The following COL6A3 variants were observed in gnomAD, a reference collection of about 807,000 sequenced individuals.
COL6A3 encodes the protein collagen alpha-3(VI) chain.
A neutral mutation model predicts 274.1 loss-of-function variants in COL6A3; 137 were observed. The observed-to-expected ratio is 0.50, with a 90% confidence interval of 0.44 to 0.58. The LOEUF is 0.58. COL6A3 is among the 20% of genes least tolerant of loss of function. The pLI is 0.00. For missense variants in COL6A3, 3,950 were observed against 4,124.9 expected (o/e 0.96, Z 1.16); for synonymous variants, 1,650 against 1,650.6 (o/e 1.00, Z 0.01).
intron 30 of COL6A3, 129 bp from the exon 31 acceptor site, chr2:237,347,998 A>G: frequency 7.1e-6 from 6 of 843,976 alleles, no homozygotes; most frequent in Non-Finnish European, 1.2e-5. Context: ...GTTAGTTTTG[A>G]TTCACTTTTC....
intron 20 of COL6A3, 36 bp downstream of exon 20, chr2:237,358,999 C>T: frequency 6.3e-7 from 1 of 1,598,874 alleles, no homozygotes. Context: ...TGTTGATATT[C>T]TTTCCATAAT....
rs1574993386 is a variant in COL6A3, at chr2:237,368,436, T to C, written c.4900+127A>G. The stretch of plus-strand genomic sequence containing the variant: ...TGGAACTACTTTTCCAGTATTTAAT[T>C]TCTAATATTATCTGAAGAAACAACC... On this transcript the variant is annotated intron_variant, in intron 10 of 43. Coordinates refer to ENST00000295550, the MANE Select transcript of COL6A3 (RefSeq NM_004369.4). The surrounding 1 kb of genome is among the most constrained non-coding windows in gnomAD (Gnocchi z 4.4). 5.0e-6 allele frequency: 6 copies of C among 1,195,168 alleles called. No individual in the cohort carries two copies. The East Asian group carries it at 1.5e-4, about 31-fold the overall frequency. 74.0% of individuals were successfully genotyped at this position (1,195,168 alleles called of 1,614,324 possible). A position where few individuals can be genotyped will look rare whatever the true frequency, so the allele number is the denominator to read the frequency against.
chr2:237,376,848 C>T lies in COL6A3; in HGVS notation c.2994G>A (p.Ser998=), dbSNP rs768233315. The change falls in exon 7 of 44, where the codon TCG becomes TCA. Residue 998 remains serine, a synonymous_variant. Transcript: ENST00000295550. ...LSPAFILAAE[S]LPKIGDLHPQ... is the part of the protein sequence containing the mutation. The stretch of plus-strand genomic sequence containing the variant: ...GATGAAGATCTCCAATCTTGGGAAG[C>T]GACTCTGCAGCCAGGATAAACGCTG... 65 of 1,614,094 alleles carry T rather than the reference C, an allele frequency of 4.0e-5. No individual in the cohort carries two copies. Among genetic ancestry groups the T allele is most frequent in the Middle Eastern group, 3.3e-4 (2 of 6,084 alleles).
chr2:237,350,947 T>C (rs542650320), intron 27 of COL6A3, among the ~76,000 whole-genome samples, 183 bp downstream of exon 27: 2 of 152,118 alleles, frequency 1.3e-5, no homozygotes, highest in African/African-American at 4.8e-5. Flanking sequence ...GTGGTGGGAA[T>C]TATGGTGGGG....
chr2:237,347,148 G>C lies in COL6A3; in HGVS notation c.7030-583C>G, dbSNP rs143483346. On this transcript the variant is annotated intron_variant, in intron 31 of 43. Coordinates refer to ENST00000295550, the MANE Select transcript of COL6A3 (RefSeq NM_004369.4). Reference sequence around the variant, plus strand: ...AATCTGGCCAGGTGTGGTGTCTCATGCATGTAATCCCAGCACTTTGGGAGG... The same window carrying C: ...AATCTGGCCAGGTGTGGTGTCTCATCCATGTAATCCCAGCACTTTGGGAGG... 5.5e-3 allele frequency among the ~76,000 whole-genome samples: 833 copies of C among 152,102 alleles called. 4 individuals carry two copies. Among genetic ancestry groups the C allele is most frequent in the Non-Finnish European group, 0.01 (692 of 67,996 alleles).
intron 36 of COL6A3, chr2:237,343,307 C>A (rs1280790137): frequency 6.7e-6 from 1 of 149,234 alleles, no homozygotes; most frequent in Non-Finnish European, 1.5e-5. Flanking sequence ...CCAGTCTGAC[C>A]AATATGGTGA....
Position 237,336,431 on chromosome 2 carries a change from A to G in COL6A3, c.8669T>C (p.Val2890Ala), listed in dbSNP as rs567910448. Residue 2890 changes from valine to alanine, a missense_variant, in exon 40 of 44, where the codon GTA becomes GCA. Transcript: ENST00000295550. ...TKPVTTTTKP[V>A]TTTTKPVTII... is the part of the protein sequence containing the mutation. ...AGTCACAGGCTTTGTTGTGGTGGTT[A>G]CAGGCTTTGTTGTGGTGGTCACCGG... 6.2e-7 allele frequency: 1 copy of G among 1,614,196 alleles called. No homozygotes were observed. The highest frequency in any genetic ancestry group is 1.1e-5 in the South Asian group (1 of 91,056).
Position 237,372,121 on chromosome 2 carries a change from A to G in COL6A3, c.3896T>C (p.Val1299Ala), listed in dbSNP as rs550965984. ...CCCTCCCTTGGGCCTCAGCCGCTGCACCGCGTTCTGCACTTCATCCTTGCT... is the reference window on the plus strand; with the variant it reads ...CCCTCCCTTGGGCCTCAGCCGCTGCGCCGCGTTCTGCACTTCATCCTTGCT... ...HSSKDEVQNA[V>A]QRLRPKGGRQ... The change falls in exon 9 of 44, where the codon GTG (valine) becomes GCG (alanine). Residue 1299 changes from valine (V) to alanine (A), a missense_variant. Val to Ala is a moderately conservative substitution (Grantham distance 64). This residue lies in a region of COL6A3 where 1,934 missense variants were observed against 1,984.3 expected (regional missense o/e 0.97). Transcript: ENST00000295550. 1 of 1,614,040 alleles carries G rather than the reference A, an allele frequency of 6.2e-7. No homozygotes were observed. Among genetic ancestry groups the G allele is most frequent in the South Asian group, 1.1e-5 (1 of 91,080 alleles).
chr2:237,365,620 TGG>T, intron 12 of COL6A3, 76 bp downstream of exon 12: 1 of 1,278,218 alleles, frequency 7.8e-7, no homozygotes, highest in Non-Finnish European at 1.1e-6. Context: ...GGATTTAACT[TGG>T]GGGAAGGGCT....
At chr2:237,360,934 A>G (rs2077421830) in intron 16 of COL6A3, among the ~76,000 whole-genome samples, 187 bp downstream of exon 16, 1 of 152,146 alleles carries the variant, frequency 6.6e-6, no homozygotes, top group Admixed American at 6.5e-5. Flanking sequence ...TCATGCCCAC[A>G]TTTGTCATAC....
intron 6 of COL6A3, among the ~76,000 whole-genome samples, 176 bp from the exon 7 acceptor site, chr2:237,377,520 T>A (rs1213309188): frequency 6.6e-6 from 1 of 152,158 alleles, no homozygotes; most frequent in Non-Finnish European, 1.5e-5. Context: ...ATGTCCTATT[T>A]CAAATCAGTG....
chr2:237,356,044 G>T (rs551803516), intron 23 of COL6A3, among the ~76,000 whole-genome samples: 53 of 152,330 alleles, frequency 3.5e-4, no homozygotes, highest in African/African-American at 1.3e-3. Flanking sequence ...TGGCACTGTG[G>T]TCCTAAGGGA....
intron 42 of COL6A3, chr2:237,329,757 C>T (rs963094006): frequency 6.6e-6 from 1 of 152,096 alleles, no homozygotes; most frequent in Non-Finnish European, 1.5e-5. Flanking sequence ...TTTTATGTTC[C>T]ACTAAGTAAC....
chr2:237,355,985 G>A (rs2077309308), intron 23 of COL6A3, among the ~76,000 whole-genome samples: 1 of 152,182 alleles, frequency 6.6e-6, no homozygotes, highest in African/African-American at 2.4e-5. Context: ...AGGGGATGTA[G>A]GCATGCTGAA....
rs977470303 is a variant in COL6A3, at chr2:237,374,008, C to A, written c.3679+404G>T. Among the ~76,000 whole-genome samples, 1 of 152,192 alleles carries A rather than the reference C, an allele frequency of 6.6e-6. No individual in the cohort carries two copies. Among genetic ancestry groups the A allele is most frequent in the African/African-American group, 2.4e-5 (1 of 41,444 alleles). ...TCCCAGCTTGCAGAGTGTCCCTGGTCAGACTCCTTCCTGCCTCACAGAAGG... is the reference window on the plus strand; with the variant it reads ...TCCCAGCTTGCAGAGTGTCCCTGGTAAGACTCCTTCCTGCCTCACAGAAGG... On this transcript the variant is annotated intron_variant, in intron 8 of 43. Coordinates refer to ENST00000295550, the MANE Select transcript of COL6A3 (RefSeq NM_004369.4). This position sits in a 1 kb window ranked among gnomAD's most constrained non-coding sequence, Gnocchi z 4.8.
Position 237,387,712 on chromosome 2 carries a change from G to T in COL6A3, c.1182C>A (p.Thr394=), listed in dbSNP as rs114750216. ...GGACAGTAAACACCAAGTTGTCATC[G>T]GTAGCTATGTGCTGAAGCTCTGCCC... ...ASRAELQHIA[T]DDNLVFTVPE... is the part of the protein sequence containing the mutation. Residue 394 remains threonine (T), a synonymous_variant, in exon 4 of 44, where the codon ACC becomes ACA. Coordinates refer to ENST00000295550, the MANE Select transcript of COL6A3 (RefSeq NM_004369.4). The T allele has an allele frequency of 6.2e-7, 1 of 1,613,942 alleles. No homozygotes were observed. The highest frequency in any genetic ancestry group is 2.2e-5 in the East Asian group (1 of 44,858).
At position 237,371,735 on chromosome 2, in the gene COL6A3, G is replaced by T. The variant is rs746007396; in HGVS notation, c.4282C>A (p.Pro1428Thr). Residue 1428 changes from proline (P) to threonine (T), a missense_variant, in exon 9 of 44, where the codon CCA becomes ACA. Transcript: ENST00000295550. The surrounding 1 kb of genome is among the most constrained non-coding windows in gnomAD (Gnocchi z 4.3). ...KLLASTRYPP[P>T]AVESDAADIV... Reference sequence around the variant, plus strand: ...ACCTCCGACGCCCCCATCTCACCTGGAGGTGGATAGCGAGTGCTGGCTAAG... The same window carrying T: ...ACCTCCGACGCCCCCATCTCACCTGTAGGTGGATAGCGAGTGCTGGCTAAG... The T allele has an allele frequency of 1.3e-6, 2 of 1,595,302 alleles. No homozygotes were observed. The highest frequency in any genetic ancestry group is 2.7e-5 in the African/African-American group (2 of 74,168).
chr2:237,353,428 G>A (rs769339092), intron 24 of COL6A3, 25 bp from the exon 25 acceptor site: 71 of 1,607,672 alleles, frequency 4.4e-5, no homozygotes, highest in Non-Finnish European at 6.0e-5. Flanking sequence ...AAGATGCAGG[G>A]AGGAGTCAGG....
chr2:237,401,733 G>A (rs2078595653), intron 1 of COL6A3, among the ~76,000 whole-genome samples: 2 of 151,784 alleles, frequency 1.3e-5, no homozygotes, highest in Non-Finnish European at 2.9e-5. Context: ...CACCCAGACT[G>A]GAGTGCAGTG....
Sources: gnomAD v4.1 joint callset for allele counts (sites outside exome capture counted in the v4.1 genomes callset) on GRCh38, gnomAD v4.1.1 for gene constraint, gnomAD v4.1.1 regional missense constraint, Gnocchi (gnomAD v3.1) non-coding constraint, MANE v1.5 for transcripts, NCBI Gene and HGNC (gene_info 2026-07-23, HGNC 2026-07-21) for gene names.